HACD2: variants seen among roughly 807,000 people sequenced by gnomAD.
HACD2 encodes 3-hydroxyacyl-CoA dehydratase 2.
In HACD2, 15 loss-of-function variants were observed where a neutral mutation model predicts 31.0. That is an observed-to-expected ratio of 0.48 (90% CI 0.32 to 0.75). HACD2 has a LOEUF of 0.75. HACD2 is among the 30% of genes least tolerant of loss of function. The probability of loss-of-function intolerance (pLI) is 0.03; values close to 1 mark genes in which losing one functional copy is unlikely to be tolerated. For missense variants in HACD2, 283 were observed against 313.0 expected, an observed-to-expected ratio of 0.90 and a Z score of 0.72; for synonymous variants, 115 against 122.2, an observed-to-expected ratio of 0.94 and a Z score of 0.39.
intron 3 of HACD2, among the ~76,000 whole-genome samples, chr3:123,542,146 C>CAAAAAAAAAAAAAA (rs11391480): frequency 1.2e-4 from 5 of 41,104 alleles, no homozygotes; most frequent in African/African-American, 8.6e-4. Flanking sequence ...GACTCCGTCT[C>CAAAAAAAAAAAAAA]AAAAAAAAAA....
Position 123,537,701 on chromosome 3 carries a change from CCTA to C in HACD2, c.293-9230_293-9228del, listed in dbSNP as rs2056443814. 7.3e-5 allele frequency among the ~76,000 whole-genome samples: 11 copies of C among 151,530 alleles called. No individual in the cohort carries two copies. The South Asian group carries it at 2.3e-3, about 32-fold the overall frequency. On this transcript the variant is annotated intron_variant, in intron 3 of 6. Transcript: ENST00000383657. ...TGATAGTATAAGCTATGTCTGTCTGCCTACTTTTTCTTTCTCATATTAATATAC... is the reference window on the plus strand; with the variant it reads ...TGATAGTATAAGCTATGTCTGTCTGCCTTTTTCTTTCTCATATTAATATAC...
intron 4 of HACD2, among the ~76,000 whole-genome samples, chr3:123,510,955 GTT>G (rs111653163): frequency 0.038 from 5,026 of 133,328 alleles, 82 homozygotes; most frequent in Middle Eastern, 0.088. Flanking sequence ...GTTTTTTTTT[GTT>G]TTTTTTTTTA....
rs2055812508 is a variant in HACD2 at position 123,494,814 on chromosome 3, G to A, written c.*74C>T. ...TTACTTATTTTCTATGAAACGTATT[G>A]GGAACTCAAAAAATCTGCAGCATTT... is the stretch of plus-strand genomic sequence containing the variant. On this transcript the variant is annotated 3_prime_UTR_variant, in exon 7 of 7. Transcript: ENST00000383657. 4 of 928,460 alleles carry A rather than the reference G, an allele frequency of 4.3e-6. No homozygotes were observed. The Admixed American group carries it at 8.8e-5, about 20-fold the overall frequency. The allele number at this position is 928,460 out of a possible 1,614,324, so 57.5% of individuals were successfully genotyped here.
chr3:123,534,451 TA>T (rs1403373774), intron 3 of HACD2, among the ~76,000 whole-genome samples: 1 of 151,930 alleles, frequency 6.6e-6, no homozygotes, highest in African/African-American at 2.4e-5. Context: ...GCTAGTCATA[TA>T]AAAATAGTCA....
At chr3:123,583,655 T>A (rs760656192) in intron 1 of HACD2, among the ~76,000 whole-genome samples, 1 of 152,240 alleles carries the variant, frequency 6.6e-6, no homozygotes, top group Non-Finnish European at 1.5e-5. Flanking sequence ...ATATATTTTC[T>A]TCTTCGTGAA....
intron 3 of HACD2, among the ~76,000 whole-genome samples, chr3:123,537,149 A>G (rs1181788768): frequency 6.6e-6 from 1 of 152,240 alleles, no homozygotes; most frequent in African/African-American, 2.4e-5. Context: ...GTGAGGGAAG[A>G]GATACTAATT....
At chr3:123,543,736 A>T (rs539389875) in intron 3 of HACD2, 22 of 383,450 alleles carry the variant, frequency 5.7e-5, no homozygotes, top group South Asian at 4.3e-4. Flanking sequence ...ATGCATACAG[A>T]CCAGGTCTAA....
At chr3:123,547,284 G>A (rs2056570968) in intron 3 of HACD2, among the ~76,000 whole-genome samples, 1 of 152,082 alleles carries the variant, frequency 6.6e-6, no homozygotes, top group Non-Finnish European at 1.5e-5. Context: ...AACCAACTAA[G>A]CAAATCAGCC....
At chr3:123,503,663 GC>G (rs760625231) in intron 4 of HACD2, among the ~76,000 whole-genome samples, 1 of 142,882 alleles carries the variant, frequency 7.0e-6, no homozygotes, top group Non-Finnish European at 1.5e-5. Context: ...TTGAAAATCA[GC>G]AAGAAACACC....
intron 4 of HACD2, among the ~76,000 whole-genome samples, chr3:123,522,112 C>T (rs1364257878): frequency 6.6e-6 from 1 of 151,844 alleles, no homozygotes; most frequent in Non-Finnish European, 1.5e-5. Flanking sequence ...TGGAAACGAG[C>T]CTGGGCAATG....
intron 2 of HACD2, among the ~76,000 whole-genome samples, chr3:123,578,609 T>C (rs889989844): frequency 6.6e-6 from 1 of 152,222 alleles, no homozygotes; most frequent in Non-Finnish European, 1.5e-5. Context: ...TGCTCCTTTG[T>C]ACTTGCTTGG....
At chr3:123,530,369 A>G (rs2056342679) in intron 3 of HACD2, among the ~76,000 whole-genome samples, 1 of 151,780 alleles carries the variant, frequency 6.6e-6, no homozygotes, top group African/African-American at 2.4e-5. Flanking sequence ...CTCTCGCCTC[A>G]GCGTCCCAAG....
chr3:123,514,078 C>T (rs2107692160), intron 4 of HACD2, among the ~76,000 whole-genome samples: 1 of 152,224 alleles, frequency 6.6e-6, no homozygotes, highest in East Asian at 1.9e-4. Context: ...AGTTCAAGAC[C>T]AGCCTGGGCA....
At chr3:123,569,581 T>C (rs2056830593) in intron 2 of HACD2, among the ~76,000 whole-genome samples, 1 of 152,134 alleles carries the variant, frequency 6.6e-6, no homozygotes, top group African/African-American at 2.4e-5. Flanking sequence ...AGGCTAGTCT[T>C]GAACTCCTGG....
chr3:123,584,668 C>T (rs1465759420), intron 1 of HACD2: 3 of 388,122 alleles, frequency 7.7e-6, no homozygotes, highest in Non-Finnish European at 9.0e-6. Flanking sequence ...GCTCGACCCC[C>T]AGCGCAGGAG....
intron 4 of HACD2, among the ~76,000 whole-genome samples, chr3:123,522,489 C>T (rs183872458): frequency 4.6e-5 from 7 of 152,030 alleles, no homozygotes; most frequent in Admixed American, 2.0e-4. Context: ...GAAAAATAGA[C>T]ATTCTGATTT....
rs28657848 is a variant in HACD2, at chr3:123,495,260, C to T, written c.683-290G>A. Among the ~76,000 whole-genome samples the T allele has an allele frequency of 5.8e-3, 884 of 152,308 alleles. 5 individuals carry two copies. The highest frequency in any genetic ancestry group is 0.02 in the African/African-American group (847 of 41,548). The stretch of plus-strand genomic sequence containing the variant: ...CAGAACAGCCAAATAATATTCTGTA[C>T]GCTCATTCATGTATTATCTCCACAT... On this transcript the variant is annotated intron_variant, in intron 6 of 6. Transcript: ENST00000383657.
intron 4 of HACD2, among the ~76,000 whole-genome samples, chr3:123,516,550 C>T (rs542573499): frequency 6.6e-6 from 1 of 152,130 alleles, no homozygotes; most frequent in East Asian, 1.9e-4. Flanking sequence ...TTAAAAAAAT[C>T]CTACAGTGAC....
intron 6 of HACD2, among the ~76,000 whole-genome samples, chr3:123,495,946 T>C (rs2055827033): frequency 6.6e-6 from 1 of 152,222 alleles, no homozygotes; most frequent in African/African-American, 2.4e-5. Context: ...GGTTACTGTG[T>C]GTAAACAACT....
Sources: allele counts gnomAD v4.1 joint callset (sites outside exome capture counted in the v4.1 genomes callset), GRCh38; gene constraint gnomAD v4.1.1; transcripts MANE v1.5; gene names NCBI Gene and HGNC (gene_info 2026-07-23, HGNC 2026-07-21).